PPP1R13L: variants seen among roughly 807,000 people sequenced by gnomAD.
The protein encoded by PPP1R13L is relA-associated inhibitor.
A neutral mutation model predicts 80.9 loss-of-function variants in PPP1R13L; 50 were observed. That is an observed-to-expected ratio of 0.62 (90% confidence interval 0.49 to 0.78). PPP1R13L has a LOEUF of 0.78. Ranked by LOEUF, PPP1R13L falls within the 30% of genes least tolerant of loss-of-function variation. The pLI, the probability that PPP1R13L is intolerant of heterozygous loss-of-function variation, is 0.00. For missense variants in PPP1R13L, 1,200 were observed against 1,205.9 expected, an observed-to-expected ratio of 1.00 and a Z score of 0.07; for synonymous variants, 602 against 534.3, an observed-to-expected ratio of 1.13 and a Z score of -1.75.
chr19:45,389,423 G>A (rs1016054524), intron 8 of PPP1R13L, among the ~76,000 whole-genome samples: 51 of 152,210 alleles, frequency 3.4e-4, no homozygotes, highest in African/African-American at 1.1e-3. Context: ...CAGGGACCAA[G>A]ATCAGCAGGA....
chr19:45,396,171 G>A lies in PPP1R13L; in HGVS notation c.900C>T (p.Gly300=). 6.2e-7 allele frequency: 1 copy of A among 1,606,630 alleles called. No homozygotes were observed. Among genetic ancestry groups the A allele is most frequent in the Non-Finnish European group, 8.5e-7 (1 of 1,177,758 alleles). The change falls in exon 6 of 13, where the codon GGC becomes GGT. Residue 300 remains glycine (G), a synonymous_variant. Transcript: ENST00000360957. The surrounding 1 kb of genome is among the most constrained non-coding windows in gnomAD (Gnocchi z 5.3). ...ESSLDGLGGT[G]KDNLTSATLP... The stretch of plus-strand genomic sequence containing the variant: ...TCCCCAGGCGTCGCCTCCTCACCTT[G>A]CCGGTGCCCCCCAGTCCATCCAGGC...
intron 11 of PPP1R13L, among the ~76,000 whole-genome samples, chr19:45,383,144 G>A (rs534917174): frequency 2.6e-5 from 4 of 151,064 alleles, no homozygotes; most frequent in Non-Finnish European, 5.9e-5. Flanking sequence ...ACAGGCGCCC[G>A]CCACCACGCC....
At chr19:45,392,612 C>G in intron 7 of PPP1R13L, 1 of 553,110 alleles carries the variant, frequency 1.8e-6, no homozygotes, top group Non-Finnish European at 3.3e-6. Flanking sequence ...ACACTGCCAT[C>G]TCCACATTAC....
chr19:45,402,456 G>A (rs907054949), intron 1 of PPP1R13L, among the ~76,000 whole-genome samples: 2 of 152,246 alleles, frequency 1.3e-5, no homozygotes, highest in African/African-American at 4.8e-5. Flanking sequence ...CCCTGGGTGT[G>A]GGGCTGTCGC....
chr19:45,385,521 C>T (rs1348238242), intron 11 of PPP1R13L, 41 bp downstream of exon 11: 2 of 1,570,396 alleles, frequency 1.3e-6, no homozygotes, highest in Non-Finnish European at 1.7e-6. Flanking sequence ...CGCTCCTGCG[C>T]ACCCGCCAGG....
Position 45,395,366 on chromosome 19 carries a change from G to A in PPP1R13L, c.1354+70C>T, listed in dbSNP as rs774308204. 2.0e-5 allele frequency: 31 copies of A among 1,555,478 alleles called. No homozygotes were observed. In the East Asian group the frequency reaches 6.6e-4, roughly 33 times the overall value. On this transcript the variant is annotated intron_variant, in intron 7 of 12. Transcript: ENST00000360957. The stretch of plus-strand genomic sequence containing the variant: ...TGGCTGTGATCTCCCCACCTCCCAG[G>A]GCTGGTCTGGTCCCCCTGCCATTTG...
chr19:45,393,320 G>T (rs1237396536), intron 7 of PPP1R13L, among the ~76,000 whole-genome samples: 2 of 152,082 alleles, frequency 1.3e-5, no homozygotes, highest in East Asian at 1.9e-4. Flanking sequence ...GCTGAGCATG[G>T]TGGCTCATGC....
intron 1 of PPP1R13L, among the ~76,000 whole-genome samples, chr19:45,400,347 C>G (rs1013026213): frequency 1.3e-5 from 2 of 151,928 alleles, no homozygotes; most frequent in East Asian, 1.9e-4. Flanking sequence ...AGCACCATCC[C>G]TATCCCCATG....
chr19:45,401,830 T>C (rs1021890823), intron 1 of PPP1R13L, among the ~76,000 whole-genome samples: 1 of 152,132 alleles, frequency 6.6e-6, no homozygotes, highest in Non-Finnish European at 1.5e-5. Context: ...CCGGGCATGG[T>C]AGCTTCTGCC....
At position 45,397,051 on chromosome 19, in the gene PPP1R13L, C is replaced by T. The variant is rs1215794534; in HGVS notation, c.206G>A (p.Arg69Gln). ...CTCAGGGATCGAGCTGGAGCTGTAC[C>T]GGGGCGGCTGTGGGGAGGCCAGGGC... ...PQAGPPSRPP[R>Q]YSSSSIPEPF... The change falls in exon 4 of 13, where the codon CGG becomes CAG. Residue 69 changes from arginine to glutamine, a missense_variant. Coordinates refer to ENST00000360957, the MANE Select transcript of PPP1R13L (RefSeq NM_006663.4). 9 of 1,319,102 alleles carry T rather than the reference C, an allele frequency of 6.8e-6. No homozygotes were observed. The highest frequency in any genetic ancestry group is 8.7e-6 in the Non-Finnish European group (9 of 1,035,418). 81.7% of individuals were successfully genotyped at this position (1,319,102 alleles called of 1,614,324 possible).
chr19:45,382,996 CTTTTTTTT>C (rs60366714), intron 11 of PPP1R13L, among the ~76,000 whole-genome samples: 22 of 126,270 alleles, frequency 1.7e-4, no homozygotes, highest in South Asian at 2.4e-4. Context: ...TCTTTTCTTT[CTTTTTTTT>C]TTTTTTTTGA....
At chr19:45,384,824 G>A (rs577090866) in intron 11 of PPP1R13L, among the ~76,000 whole-genome samples, 1 of 152,208 alleles carries the variant, frequency 6.6e-6, no homozygotes, top group South Asian at 2.1e-4. Flanking sequence ...CTGCACTCCA[G>A]CCTGGGTGAC....
chr19:45,391,995 G>T lies in PPP1R13L; in HGVS notation c.1700C>A (p.Ser567Tyr). The change falls in exon 8 of 13, where the codon TCC becomes TAC. Residue 567 changes from serine to tyrosine, a missense_variant. By Grantham distance (144) the Ser-to-Tyr change is moderately radical. This residue lies in a region of PPP1R13L where 214 missense variants were observed against 199.6 expected (regional missense o/e 1.07). Transcript: ENST00000360957. ...PGPGGPEPEL[S>Y]PITEGSEARA... ...GGCCTCAGATCCCTCAGTGATGGGGGACAGCTCTGGCTCCGGCCCCCCGGG... is the reference window on the plus strand; with the variant it reads ...GGCCTCAGATCCCTCAGTGATGGGGTACAGCTCTGGCTCCGGCCCCCCGGG... The T allele has an allele frequency of 6.5e-7, 1 of 1,534,070 alleles. No individual in the cohort carries two copies. Among genetic ancestry groups the T allele is most frequent in the Admixed American group, 2.2e-5 (1 of 45,914 alleles).
At position 45,396,280 on chromosome 19, in the gene PPP1R13L, G is replaced by C; in HGVS notation, c.812-21C>G. On this transcript the variant is annotated intron_variant, in intron 5 of 12. Coordinates refer to ENST00000360957, the MANE Select transcript of PPP1R13L (RefSeq NM_006663.4). The surrounding 1 kb of genome is among the most constrained non-coding windows in gnomAD (Gnocchi z 5.3). Reference sequence around the variant, plus strand: ...CAGGCCTGCGGGGCGGGAATCATTAGGGTCTGTGGGGCTGCCTCTCCTCCG... The same window carrying C: ...CAGGCCTGCGGGGCGGGAATCATTACGGTCTGTGGGGCTGCCTCTCCTCCG... 1 of 1,613,202 alleles carries C rather than the reference G, an allele frequency of 6.2e-7. No homozygotes were observed. Among genetic ancestry groups the C allele is most frequent in the East Asian group, 2.2e-5 (1 of 44,856 alleles).
At position 45,391,876 on chromosome 19, in the gene PPP1R13L, T is replaced by C; in HGVS notation, c.1815+4A>G. The C allele has an allele frequency of 6.8e-7, 1 of 1,473,766 alleles. No homozygotes were observed. Among genetic ancestry groups the C allele is most frequent in the South Asian group, 1.5e-5 (1 of 67,388 alleles). The allele number at this position is 1,473,766 out of a possible 1,614,324, so 91.3% of individuals were successfully genotyped here. On this transcript the variant is annotated splice_donor_region_variant and intron_variant, in intron 8 of 12. Transcript: ENST00000360957. The stretch of plus-strand genomic sequence containing the variant: ...ATACCCCGGTTTCCTCCTGTATTAC[T>C]TACCATGCTCTGCGGCTGCTCTGGT...
Position 45,396,528 on chromosome 19 carries a change from G to A in PPP1R13L, c.712+17C>T, listed in dbSNP as rs1240541974. 3.2e-6 allele frequency: 5 copies of A among 1,585,514 alleles called. No homozygotes were observed. The highest frequency in any genetic ancestry group is 1.8e-5 in the Admixed American group (1 of 56,278). ...ACCCCGCGAGTCAAAGGCCCCGCGA[G>A]GGGCCCCTGGGTTCACCTTGCGCGC... On this transcript the variant is annotated intron_variant, in intron 4 of 12. Transcript: ENST00000360957. This position sits in a 1 kb window ranked among gnomAD's most constrained non-coding sequence, Gnocchi z 5.3.
upstream of PPP1R13L, among the ~76,000 whole-genome samples, chr19:45,405,974 G>A (rs1024811060): frequency 1.3e-5 from 2 of 152,166 alleles, no homozygotes; most frequent in African/African-American, 4.8e-5. Flanking sequence ...CCACGCATGA[G>A]ACTAAACCCC....
intron 7 of PPP1R13L, among the ~76,000 whole-genome samples, chr19:45,393,389 G>A (rs1042214537): frequency 1.6e-4 from 24 of 151,246 alleles, no homozygotes; most frequent in African/African-American, 3.7e-4. Flanking sequence ...TCAGGGGTTC[G>A]AGACCAGCCT....
chr19:45,397,348 ATTTCTTTC>A lies in PPP1R13L; in HGVS notation c.199-298_199-291del, dbSNP rs748034837. ...CACTTCCACTGGTCCCCTCTTTTCT[ATTTCTTTC>A]TTTCTTTCTTTCTCTCTCTTTCTTT... On this transcript the variant is annotated intron_variant, in intron 3 of 12. Coordinates refer to ENST00000360957, the MANE Select transcript of PPP1R13L (RefSeq NM_006663.4). 3.5e-3 allele frequency among the ~76,000 whole-genome samples: 519 copies of A among 147,444 alleles called. 3 individuals are homozygous for A. Among genetic ancestry groups the A allele is most frequent in the African/African-American group, 0.012 (460 of 39,432 alleles).
Sources: gnomAD v4.1 joint callset for allele counts (sites outside exome capture counted in the v4.1 genomes callset) on GRCh38, gnomAD v4.1.1 for gene constraint, gnomAD v4.1.1 regional missense constraint, Gnocchi (gnomAD v3.1) non-coding constraint, MANE v1.5 for transcripts, NCBI Gene and HGNC (gene_info 2026-07-23, HGNC 2026-07-21) for gene names.